The following POLE variants were observed in gnomAD, a reference collection of about 807,000 sequenced individuals.
POLE encodes DNA polymerase epsilon, catalytic subunit, also known as DNA polymerase epsilon catalytic subunit A.
Under a neutral mutation model 279.2 loss-of-function variants are expected in POLE, and 188 were observed. The observed-to-expected ratio is 0.67, with a 90% confidence interval of 0.60 to 0.76. POLE has a LOEUF of 0.76. POLE is among the 30% of genes least tolerant of loss of function. The pLI is 0.00. For missense variants in POLE, 2,703 were observed against 3,016.7 expected (o/e 0.90, Z 2.44); for synonymous variants, 1,214 against 1,172.5 (o/e 1.04, Z -0.72).
intron 14 of POLE, 134 bp downstream of exon 14, chr12:132,673,030 G>C: frequency 1.3e-6 from 1 of 764,160 alleles, no homozygotes; most frequent in Non-Finnish European, 2.2e-6. Context: ...CATCCCTGAC[G>C]TCACACACCA....
At chr12:132,625,826 A>G (rs2041827701) in intron 46 of POLE, 56 bp from the exon 47 acceptor site, 1 of 1,585,376 alleles carries the variant, frequency 6.3e-7, no homozygotes. Flanking sequence ...CCACAGTGCC[A>G]TGGGCAGGAT....
At chr12:132,635,351 C>T (rs2042010441) in intron 42 of POLE, among the ~76,000 whole-genome samples, 1 of 152,228 alleles carries the variant, frequency 6.6e-6, no homozygotes, top group Non-Finnish European at 1.5e-5. Context: ...CCTCGCTGCC[C>T]AGCATCTCCC....
In POLE at chr12:132,675,568, C is replaced by T. The variant is rs2136009867; in HGVS notation, c.1107-51G>A. ...CAAGTGGGCAGGTCAGGCTCTAATG[C>T]CCCTTTCTCCATTCCTCCCTCAGAC... is the stretch of plus-strand genomic sequence containing the variant. On this transcript the variant is annotated intron_variant, in intron 11 of 48. Coordinates refer to ENST00000320574, the MANE Select transcript of POLE (RefSeq NM_006231.4). This position sits in a 1 kb window ranked among gnomAD's most constrained non-coding sequence, Gnocchi z 4.3. The T allele has an allele frequency of 1.9e-6, 3 of 1,608,988 alleles. No homozygotes were observed. Among genetic ancestry groups the T allele is most frequent in the Non-Finnish European group, 2.5e-6 (3 of 1,177,484 alleles).
At chr12:132,644,017 G>C in intron 32 of POLE, 40 bp from the exon 33 acceptor site, 1 of 1,599,282 alleles carries the variant, frequency 6.3e-7, no homozygotes, top group Non-Finnish European at 8.6e-7. Context: ...CTGGGCGTAA[G>C]TGGTAATGTC....
rs113594027 is a variant in POLE at position 132,649,754 on chromosome 12, C to T, written c.3718G>A (p.Glu1240Lys). The change falls in exon 30 of 49, where the codon GAG (glutamate) becomes AAG (lysine). Residue 1240 changes from glutamate (E) to lysine (K), a missense_variant. By Grantham distance (56) the Glu-to-Lys change is moderately conservative. This residue lies in a region of POLE where 1,551 missense variants were observed against 1,686.1 expected (regional missense o/e 0.92). Coordinates refer to ENST00000320574, the MANE Select transcript of POLE (RefSeq NM_006231.4). ...KRKRVLWESQ[E>K]ESQDLTPTVP... ...GTCGGCGTGAGGTCCTGGGACTCCT[C>T]CTGGCTCTCCCAAAGAACTCGCTTC... The T allele has an allele frequency of 1.4e-3, 2,293 of 1,614,080 alleles. 2 individuals are homozygous for T. The highest frequency in any genetic ancestry group is 1.8e-3 in the Non-Finnish European group (2,164 of 1,180,056).
rs777611171 is a variant in POLE at position 132,643,281 on chromosome 12, C to T, written c.4494G>A (p.Ala1498=). 50 of 1,613,834 alleles carry T rather than the reference C, an allele frequency of 3.1e-5. No individual in the cohort carries two copies. Among genetic ancestry groups the T allele is most frequent in the Admixed American group, 3.0e-4 (18 of 60,014 alleles). Residue 1498 remains alanine, a synonymous_variant, in exon 35 of 49, where the codon GCG becomes GCA. Coordinates refer to ENST00000320574, the MANE Select transcript of POLE (RefSeq NM_006231.4). ...YLYHHAQAHK[A]LFGIFIPSQR... ...GTGAGGGGATGAAGATCCCGAAGAG[C>T]GCTTTGTGGGCCTGTGCGTGGTGGT... is the stretch of plus-strand genomic sequence containing the variant.
At chr12:132,669,537 T>G (rs1593794498) in intron 16 of POLE, among the ~76,000 whole-genome samples, 1 of 152,050 alleles carries the variant, frequency 6.6e-6, no homozygotes, top group East Asian at 1.9e-4. Context: ...ACCTAAAATT[T>G]TAAGAAAAAA....
rs777955589 is a variant in POLE at position 132,661,035 on chromosome 12, C to A, written c.2994G>T (p.Thr998=). The change falls in exon 25 of 49, where the codon ACG becomes ACT. Residue 998 remains threonine, a synonymous_variant. Coordinates refer to ENST00000320574, the MANE Select transcript of POLE (RefSeq NM_006231.4). The surrounding 1 kb of genome is among the most constrained non-coding windows in gnomAD (Gnocchi z 4.1). The part of the protein sequence containing the change: ...SVFEAFLKGS[T]LEEVYGSVAK... ...CTACAGAGCCATACACCTCTTCCAGCGTGCTGCCCTTGAGGAAGGCCTCAA... is the reference window on the plus strand; with the variant it reads ...CTACAGAGCCATACACCTCTTCCAGAGTGCTGCCCTTGAGGAAGGCCTCAA... 1 of 1,614,150 alleles carries A rather than the reference C, an allele frequency of 6.2e-7. No homozygotes were observed. Among genetic ancestry groups the A allele is most frequent in the Non-Finnish European group, 8.5e-7 (1 of 1,180,018 alleles).
intron 6 of POLE, among the ~76,000 whole-genome samples, chr12:132,678,075 G>A (rs944541849): frequency 2.6e-5 from 4 of 152,192 alleles, no homozygotes; most frequent in Non-Finnish European, 5.9e-5. Flanking sequence ...ATACCTGGGA[G>A]GCTGAGGCAG....
Position 132,675,826 on chromosome 12 carries a change from C to A in POLE, c.1021-6G>T, listed in dbSNP as rs1344503517. 1 of 1,610,968 alleles carries A rather than the reference C, an allele frequency of 6.2e-7. No homozygotes were observed. The highest frequency in any genetic ancestry group is 1.3e-5 in the African/African-American group (1 of 74,862). On this transcript the variant is annotated splice_region_variant and splice_polypyrimidine_tract_variant and intron_variant, in intron 10 of 48. Transcript: ENST00000320574. This position sits in a 1 kb window ranked among gnomAD's most constrained non-coding sequence, Gnocchi z 4.3. ...CACCTTTGGATCAGATGAGCCTGAA[C>A]CCAAGTCACAGCAGTCAGAGGTCTG...
rs2136029546 is a variant in POLE, at chr12:132,680,179, T to C, written c.329A>G (p.Lys110Arg). The C allele has an allele frequency of 1.2e-6, 2 of 1,614,096 alleles. No individual in the cohort carries two copies. Among genetic ancestry groups the C allele is most frequent in the Non-Finnish European group, 1.7e-6 (2 of 1,179,924 alleles). ...CCTGAGTCTATGAAACACACTCACCTTTCTGGTCGCAATGTAGAAATACGG... is the reference window on the plus strand; with the variant it reads ...CCTGAGTCTATGAAACACACTCACCCTTCTGGTCGCAATGTAGAAATACGG... ...YKPYFYIATR[K>R]GCEREVSSFL... The change falls in exon 4 of 49, where the codon AAG becomes AGG. Residue 110 changes from lysine (K) to arginine (R), a missense_variant and splice_region_variant. This residue lies in a region of POLE where 1,011 missense variants were observed against 1,111.7 expected (regional missense o/e 0.91). Transcript: ENST00000320574.
chr12:132,669,085 A>C (rs2042865543), intron 16 of POLE, 146 bp from the exon 17 acceptor site: 1 of 675,336 alleles, frequency 1.5e-6, no homozygotes, highest in Admixed American at 3.3e-5. Context: ...AAAGTTAAGA[A>C]GGGTTGCCAT....
At chr12:132,672,001 A>C (rs1466928981) in intron 16 of POLE, among the ~76,000 whole-genome samples, 1 of 152,168 alleles carries the variant, frequency 6.6e-6, no homozygotes, top group Non-Finnish European at 1.5e-5. Flanking sequence ...ACTGCATTTC[A>C]GGAGCAGCTC....
Position 132,632,813 on chromosome 12 carries a change from C to T in POLE, c.6005-18G>A, listed in dbSNP as rs2138465785. On this transcript the variant is annotated intron_variant, in intron 43 of 48. Coordinates refer to ENST00000320574, the MANE Select transcript of POLE (RefSeq NM_006231.4). ...GATGTACGCTGTGGAGAGGCACACA[C>T]ACCACAGGCCCTGAGTCGGGCTGCT... is the stretch of plus-strand genomic sequence containing the variant. 4 of 1,587,944 alleles carry T rather than the reference C, an allele frequency of 2.5e-6. No individual in the cohort carries two copies. The highest frequency in any genetic ancestry group is 3.4e-6 in the Non-Finnish European group (4 of 1,168,906).
At chr12:132,645,596 AAAAC>A (rs1288162661) in intron 32 of POLE, among the ~76,000 whole-genome samples, 1 of 152,242 alleles carries the variant, frequency 6.6e-6, no homozygotes, top group African/African-American at 2.4e-5. Context: ...GGTTGTTGCT[AAAAC>A]AAACAAACAA....
At chr12:132,649,167 G>C (rs2138602505) in intron 31 of POLE, 95 bp from the exon 32 acceptor site, 1 of 1,518,444 alleles carries the variant, frequency 6.6e-7, no homozygotes, top group East Asian at 2.3e-5. Flanking sequence ...CCAGCACAGG[G>C]CCTTAGGCCT....
At chr12:132,667,400 G>C in intron 20 of POLE, 103 bp downstream of exon 20, 1 of 1,214,336 alleles carries the variant, frequency 8.2e-7, no homozygotes. Flanking sequence ...GAGTGCAAGT[G>C]CCTGCTCAGA....
At position 132,643,572 on chromosome 12, in the gene POLE, G is replaced by C. The variant is rs564807391; in HGVS notation, c.4291-12C>G. ...AACAGTAACGGAACCTGGAAGAATC[G>C]GGCAGACAGGCCGGCAAGGGCTGGA... On this transcript the variant is annotated splice_polypyrimidine_tract_variant and intron_variant, in intron 33 of 48. Transcript: ENST00000320574. 8.1e-6 allele frequency: 13 copies of C among 1,613,744 alleles called. No homozygotes were observed. The African/African-American group carries it at 1.5e-4, about 18-fold the overall frequency.
At chr12:132,671,439 G>A (rs2042925898) in intron 16 of POLE, among the ~76,000 whole-genome samples, 1 of 151,266 alleles carries the variant, frequency 6.6e-6, no homozygotes, top group African/African-American at 2.5e-5. Flanking sequence ...GGGAGGCCAA[G>A]GCAGGCGGAT....
Sources: allele counts gnomAD v4.1 joint callset (sites outside exome capture counted in the v4.1 genomes callset), GRCh38; gene constraint gnomAD v4.1.1; regional missense constraint gnomAD v4.1.1; non-coding constraint Gnocchi (gnomAD v3.1); transcripts MANE v1.5; gene names NCBI Gene and HGNC (gene_info 2026-07-23, HGNC 2026-07-21).